Variants in NRP1 observed in about 807,000 individuals in gnomAD.
NRP1 encodes neuropilin 1.
Under a neutral mutation model 106.7 loss-of-function variants are expected in NRP1, and 35 were observed. The ratio of observed to expected loss-of-function variants is 0.33; its 90% CI spans 0.25 to 0.43. The LOEUF (loss-of-function observed/expected upper bound fraction) is 0.43. NRP1 is among the 20% of genes least tolerant of loss of function. The pLI is 1.00. For missense variants in NRP1, 1,024 were observed against 1,170.4 expected (o/e 0.87, Z 1.83); for synonymous variants, 437 against 417.9 (o/e 1.05, Z -0.56).
In NRP1 at chr10:33,230,453, A is replaced by G. The variant is rs559846665; in HGVS notation, c.982-4164T>C. On this transcript the variant is annotated intron_variant, in intron 6 of 16. Transcript: ENST00000374867. ...TTCTCTGCCTAAAAGCAGGAGATACATTTCCTTTTGGGAAGGGGGCATAAA... is the reference window on the plus strand; with the variant it reads ...TTCTCTGCCTAAAAGCAGGAGATACGTTTCCTTTTGGGAAGGGGGCATAAA... 4.5e-4 allele frequency among the ~76,000 whole-genome samples: 69 copies of G among 152,278 alleles called. 1 individual carries two copies. The Middle Eastern group carries it at 0.02, about 45-fold the overall frequency.
chr10:33,221,455 T>C (rs1027892242), intron 8 of NRP1, among the ~76,000 whole-genome samples: 1 of 152,192 alleles, frequency 6.6e-6, no homozygotes, highest in African/African-American at 2.4e-5. Flanking sequence ...AACTAGGCTG[T>C]ATGGCATAAA....
intron 4 of NRP1, among the ~76,000 whole-genome samples, chr10:33,258,366 G>T (rs1295899780): frequency 6.6e-6 from 1 of 152,114 alleles, no homozygotes; most frequent in Non-Finnish European, 1.5e-5. Flanking sequence ...ATAATTTTTC[G>T]ATGTGTTGAA....
At chr10:33,189,269 C>T (rs1419972856) in intron 13 of NRP1, among the ~76,000 whole-genome samples, 5 of 152,116 alleles carry the variant, frequency 3.3e-5, no homozygotes, top group African/African-American at 9.7e-5. Context: ...AGGTAGTTCC[C>T]AAAGTCATGC....
chr10:33,261,179 T>C (rs1842549106), intron 4 of NRP1, among the ~76,000 whole-genome samples: 1 of 152,130 alleles, frequency 6.6e-6, no homozygotes, highest in African/African-American at 2.4e-5. Context: ...CATGCGTAAA[T>C]TGCAAGGCTG....
Position 33,334,273 on chromosome 10 carries a change from G to C in NRP1, c.73+37C>G, listed in dbSNP as rs575834499. On this transcript the variant is annotated intron_variant, in intron 1 of 16. Coordinates refer to ENST00000374867, the MANE Select transcript of NRP1 (RefSeq NM_003873.7). ...TCCGGGGCGGGCAGCTGGGAGCCGG[G>C]GCGCCGCTGTCACCCGCGCCTCTGC... 76 of 1,530,672 alleles carry C rather than the reference G, an allele frequency of 5.0e-5. No homozygotes were observed. The African/African-American group carries it at 8.5e-4, about 17-fold the overall frequency. 94.8% of individuals were successfully genotyped at this position (1,530,672 alleles called of 1,614,324 possible).
rs1835576765 is a variant in NRP1, at chr10:33,179,966, G to A, written c.*110C>T. 8.9e-7 allele frequency: 1 copy of A among 1,119,100 alleles called. No homozygotes were observed. The highest frequency in any genetic ancestry group is 2.0e-5 in the Admixed American group (1 of 49,068). 69.3% of individuals were successfully genotyped at this position (1,119,100 alleles called of 1,614,324 possible). On this transcript the variant is annotated 3_prime_UTR_variant, in exon 17 of 17. Coordinates refer to ENST00000374867, the MANE Select transcript of NRP1 (RefSeq NM_003873.7). The stretch of plus-strand genomic sequence containing the variant: ...AAGCTCCTGAGAAAAGCCTGGCTCA[G>A]TGGTCATCAACACACTTCCCAGCCT...
At chr10:33,314,907 A>G (rs1446635708) in intron 2 of NRP1, among the ~76,000 whole-genome samples, 1 of 152,220 alleles carries the variant, frequency 6.6e-6, no homozygotes, top group African/African-American at 2.4e-5. Context: ...CCTGCTGTGA[A>G]GTTAACATGT....
chr10:33,320,764 G>T (rs1260396404), intron 2 of NRP1, among the ~76,000 whole-genome samples: 1 of 152,192 alleles, frequency 6.6e-6, no homozygotes. Flanking sequence ...AAAGCATTCT[G>T]TGGGACAGCG....
intron 12 of NRP1, among the ~76,000 whole-genome samples, chr10:33,196,758 C>T (rs371504024): frequency 3.3e-5 from 5 of 152,168 alleles, no homozygotes; most frequent in East Asian, 3.9e-4. Context: ...CTAATTAGGG[C>T]GGCCCTTTCT....
chr10:33,262,209 C>G (rs1285903748), intron 4 of NRP1, among the ~76,000 whole-genome samples: 1 of 152,116 alleles, frequency 6.6e-6, no homozygotes, highest in Non-Finnish European at 1.5e-5. Context: ...TAATATTAAA[C>G]CAGACTAAAC....
intron 8 of NRP1, among the ~76,000 whole-genome samples, chr10:33,220,958 C>T (rs949978742): frequency 6.7e-6 from 1 of 148,404 alleles, no homozygotes; most frequent in African/African-American, 2.5e-5. Flanking sequence ...TGGCCAGGGG[C>T]AGTAGCTCAC....
At chr10:33,292,785 C>G (rs999455289) in intron 2 of NRP1, among the ~76,000 whole-genome samples, 1 of 152,132 alleles carries the variant, frequency 6.6e-6, no homozygotes, top group Non-Finnish European at 1.5e-5. Flanking sequence ...GTCAGAAGTT[C>G]GAGACCAGCC....
chr10:33,200,560 T>A (rs1837216295), intron 11 of NRP1, among the ~76,000 whole-genome samples: 1 of 152,182 alleles, frequency 6.6e-6, no homozygotes, highest in African/African-American at 2.4e-5. Context: ...AAAGACAGCA[T>A]TGATCCCAAT....
At chr10:33,241,283 T>G (rs1364560240) in intron 6 of NRP1, among the ~76,000 whole-genome samples, 1 of 152,180 alleles carries the variant, frequency 6.6e-6, no homozygotes, top group East Asian at 1.9e-4. Flanking sequence ...TGAAGACATG[T>G]GCTCCCTTTG....
intron 13 of NRP1, 96 bp from the exon 14 acceptor site, chr10:33,186,584 CTG>C: frequency 7.0e-7 from 1 of 1,434,078 alleles, no homozygotes; most frequent in Non-Finnish European, 9.4e-7. Context: ...GCTTCCTGCG[CTG>C]AGCACCAAGA....
chr10:33,192,270 C>A lies in NRP1; in HGVS notation c.2062+11G>T. On this transcript the variant is annotated intron_variant, in intron 13 of 16. Coordinates refer to ENST00000374867, the MANE Select transcript of NRP1 (RefSeq NM_003873.7). ...TGCAAAGCCATGCAGCCGAAGTGAACTCTGTGATACCTGTGTGATCCTGAA... is the reference window on the plus strand; with the variant it reads ...TGCAAAGCCATGCAGCCGAAGTGAAATCTGTGATACCTGTGTGATCCTGAA... 3.1e-6 allele frequency: 5 copies of A among 1,607,666 alleles called. No individual in the cohort carries two copies. Among genetic ancestry groups the A allele is most frequent in the Non-Finnish European group, 4.2e-6 (5 of 1,176,670 alleles).
intron 2 of NRP1, among the ~76,000 whole-genome samples, chr10:33,324,434 A>C (rs1435299429): frequency 6.6e-6 from 1 of 152,224 alleles, no homozygotes; most frequent in East Asian, 1.9e-4. Flanking sequence ...AATGTTTCTG[A>C]ATTTGCTTGC....
At position 33,254,081 on chromosome 10, in the gene NRP1, A is replaced by G. The variant is rs930398633; in HGVS notation, c.928T>C (p.Tyr310His). Residue 310 changes from tyrosine to histidine, a missense_variant, in exon 6 of 17, where the codon TAC becomes CAC. Tyr to His is a moderately conservative substitution (Grantham distance 83). This residue lies in a region of NRP1 where 562 missense variants were observed against 620.3 expected (regional missense o/e 0.91). Coordinates refer to ENST00000374867, the MANE Select transcript of NRP1 (RefSeq NM_003873.7). ...CCGGGAGTCCACCCATTCTCAGGGT[A>G]GTTCAGGCGGGAGCGCTCTGCAGAC... ...NWSAERSRLN[Y>H]PENGWTPGED... 2.5e-5 allele frequency: 41 copies of G among 1,613,944 alleles called. No individual in the cohort carries two copies. Among genetic ancestry groups the G allele is most frequent in the Non-Finnish European group, 3.5e-5 (41 of 1,179,994 alleles).
chr10:33,324,667 G>A (rs1408333335), intron 2 of NRP1, among the ~76,000 whole-genome samples: 1 of 151,978 alleles, frequency 6.6e-6, no homozygotes, highest in Non-Finnish European at 1.5e-5. Flanking sequence ...ACGGAGTTTT[G>A]CTCCTGTTGC....
Sources: gnomAD v4.1 joint callset for allele counts (sites outside exome capture counted in the v4.1 genomes callset) on GRCh38, gnomAD v4.1.1 for gene constraint, gnomAD v4.1.1 regional missense constraint, MANE v1.5 for transcripts, NCBI Gene and HGNC (gene_info 2026-07-23, HGNC 2026-07-21) for gene names.